TNFRSF10D: variants seen among roughly 807,000 people sequenced by gnomAD.
The protein encoded by TNFRSF10D is TNF receptor superfamily member 10d.
In TNFRSF10D, 28 loss-of-function variants were observed where a neutral mutation model predicts 42.1. That is an observed-to-expected ratio of 0.66 (90% CI 0.49 to 0.91). TNFRSF10D has a LOEUF of 0.91. Ranked by LOEUF, TNFRSF10D falls within the 40% of genes least tolerant of loss-of-function variation. The pLI, the probability that TNFRSF10D is intolerant of heterozygous loss-of-function variation, is 0.00. For missense variants in TNFRSF10D, 503 were observed against 486.1 expected (o/e 1.03, Z -0.33); for synonymous variants, 186 against 189.4 (o/e 0.98, Z 0.15).
In TNFRSF10D at chr8:23,154,885, T is replaced by A; in HGVS notation, c.245A>T (p.Glu82Val). ...AAATAAGAGTGCACCTGCTGGACAC[T>A]CCTCCTCCTTGAGGCTGCGCCTCTG... is the stretch of plus-strand genomic sequence containing the variant. ...QQQRRSLKEE[E>V]CPAGSHRSEY... The change falls in exon 2 of 9, where the codon GAG becomes GTG. Residue 82 changes from glutamate (E) to valine (V), a missense_variant. Glu to Val is a moderately radical substitution (Grantham distance 121). Coordinates refer to ENST00000312584, the MANE Select transcript of TNFRSF10D (RefSeq NM_003840.5). The A allele has an allele frequency of 6.2e-7, 1 of 1,613,592 alleles. No homozygotes were observed. The highest frequency in any genetic ancestry group is 8.5e-7 in the Non-Finnish European group (1 of 1,179,740).
Position 23,141,378 on chromosome 8 carries a change from GC to G in TNFRSF10D, c.954+3071del, listed in dbSNP as rs144151852. 9.9e-3 allele frequency among the ~76,000 whole-genome samples: 1,507 copies of G among 152,136 alleles called. 33 individuals carry two copies. Among genetic ancestry groups the G allele is most frequent in the African/African-American group, 0.034 (1,408 of 41,482 alleles). On this transcript the variant is annotated intron_variant, in intron 7 of 8. Transcript: ENST00000312584. ...AAATTAGCTGGGCATGGTGGCACGT[GC>G]CTGCAATCCCAGCAACTAGGGGGGC...
intron 7 of TNFRSF10D, among the ~76,000 whole-genome samples, chr8:23,143,008 ACT>A (rs1254626001): frequency 6.6e-6 from 1 of 151,550 alleles, no homozygotes; most frequent in African/African-American, 2.4e-5. Flanking sequence ...ATGGAGTCTG[ACT>A]CTGTAGCCCA....
Position 23,148,373 on chromosome 8 carries a change from G to A in TNFRSF10D, c.370+65C>T, listed in dbSNP as rs1199477492. 2.0e-5 allele frequency: 26 copies of A among 1,299,852 alleles called. No homozygotes were observed. The East Asian group carries it at 2.7e-4, about 13-fold the overall frequency. 80.5% of individuals were successfully genotyped at this position (1,299,852 alleles called of 1,614,324 possible). ...AGAACTTGGTTCCCCGACTCACATC[G>A]GCTACAGCTCCCACCTCATCACTAT... On this transcript the variant is annotated intron_variant, in intron 3 of 8. Coordinates refer to ENST00000312584, the MANE Select transcript of TNFRSF10D (RefSeq NM_003840.5).
rs112094626 is a variant in TNFRSF10D, at chr8:23,149,315, G to A, written c.257-764C>T. 4.4e-3 allele frequency among the ~76,000 whole-genome samples: 664 copies of A among 151,294 alleles called. 4 individuals are homozygous for A. Among genetic ancestry groups the A allele is most frequent in the Non-Finnish European group, 7.5e-3 (511 of 67,874 alleles). Reference sequence around the variant, plus strand: ...GGCAATGGCGCGACCTTGGCTCACTGCAACCTCCACCTCCCAGGTTCAAGC... The same window carrying A: ...GGCAATGGCGCGACCTTGGCTCACTACAACCTCCACCTCCCAGGTTCAAGC... On this transcript the variant is annotated intron_variant, in intron 2 of 8. Coordinates refer to ENST00000312584, the MANE Select transcript of TNFRSF10D (RefSeq NM_003840.5).
At chr8:23,160,610 A>G (rs566845134) in intron 1 of TNFRSF10D, among the ~76,000 whole-genome samples, 2 of 152,176 alleles carry the variant, frequency 1.3e-5, no homozygotes, top group African/African-American at 2.4e-5. Context: ...GAAGATGTAC[A>G]CTCTCTGGCT....
intron 4 of TNFRSF10D, 146 bp from the exon 5 acceptor site, chr8:23,146,067 T>C (rs1800116236): frequency 2.7e-6 from 3 of 1,106,590 alleles, no homozygotes; most frequent in Middle Eastern, 3.0e-4. Flanking sequence ...CCCCCTGTGC[T>C]CCCTTCTTGA....
At chr8:23,148,259 G>T (rs1275533410) in intron 3 of TNFRSF10D, among the ~76,000 whole-genome samples, 179 bp downstream of exon 3, 3 of 149,008 alleles carry the variant, frequency 2.0e-5, no homozygotes, top group Non-Finnish European at 4.5e-5. Flanking sequence ...ATAAATAAAA[G>T]AAAAGAAAAA....
At chr8:23,147,481 G>A (rs962115624) in intron 3 of TNFRSF10D, among the ~76,000 whole-genome samples, 41 of 152,194 alleles carry the variant, frequency 2.7e-4, no homozygotes, top group African/African-American at 9.2e-4. Flanking sequence ...CACAGAGCCC[G>A]GGAGGAGAGA....
chr8:23,146,962 C>T lies in TNFRSF10D; in HGVS notation c.481G>A (p.Gly161Arg), dbSNP rs776697053. The T allele has an allele frequency of 1.2e-6, 2 of 1,613,864 alleles. No homozygotes were observed. Among genetic ancestry groups the T allele is most frequent in the East Asian group, 2.2e-5 (1 of 44,882 alleles). Reference protein sequence around the residue: ...SPEMCRTCRTGCPRGMVKVSN... With the variant: ...SPEMCRTCRTRCPRGMVKVSN... The stretch of plus-strand genomic sequence containing the variant: ...GGGAGCCCCTGGCTGCTGTCTTACC[C>T]TGTTCTACACGTCCGGCACATCTCA... Residue 161 changes from glycine to arginine, a missense_variant and splice_region_variant, in exon 4 of 9, where the codon GGG becomes AGG. Coordinates refer to ENST00000312584, the MANE Select transcript of TNFRSF10D (RefSeq NM_003840.5).
intron 4 of TNFRSF10D, among the ~76,000 whole-genome samples, chr8:23,146,256 C>A (rs973184315): frequency 1.3e-5 from 2 of 152,238 alleles, no homozygotes; most frequent in African/African-American, 4.8e-5. Context: ...CCTGTGGCCA[C>A]AAGCTGAGCC....
chr8:23,145,807 C>T lies in TNFRSF10D; in HGVS notation c.597G>A (p.Val199=), dbSNP rs267601855. 2 of 1,614,112 alleles carry T rather than the reference C, an allele frequency of 1.2e-6. No individual in the cohort carries two copies. Among genetic ancestry groups the T allele is most frequent in the Middle Eastern group, 1.6e-4 (1 of 6,062 alleles). ...AGGCAAGCATCCCCAGGATGGTGGT[C>T]ACTGTCTCCTCCGCTGCTGGGGTTT... ...TGKTPAAEET[V]TTILGMLASP... Residue 199 remains valine (V), a synonymous_variant, in exon 5 of 9, where the codon GTG becomes GTA. Coordinates refer to ENST00000312584, the MANE Select transcript of TNFRSF10D (RefSeq NM_003840.5).
At chr8:23,159,099 G>A (rs1413766772) in intron 1 of TNFRSF10D, among the ~76,000 whole-genome samples, 3 of 151,932 alleles carry the variant, frequency 2.0e-5, no homozygotes, top group African/African-American at 7.3e-5. Flanking sequence ...TTCTGTGTGT[G>A]TGTGTGTGTC....
At position 23,144,998 on chromosome 8, in the gene TNFRSF10D, G is replaced by A. The variant is rs942611133; in HGVS notation, c.768+60C>T. ...GGATTGTGCCCACCCAGGCTCGGCA[G>A]TGGATGGGAAGCAGTTCCTGAACCC... On this transcript the variant is annotated intron_variant, in intron 6 of 8. Transcript: ENST00000312584. 1.6e-5 allele frequency: 26 copies of A among 1,610,946 alleles called. No homozygotes were observed. In the African/African-American group the frequency reaches 3.3e-4, roughly 21 times the overall value.
intron 7 of TNFRSF10D, among the ~76,000 whole-genome samples, chr8:23,140,125 T>TA (rs1198848587): frequency 1.3e-5 from 2 of 152,000 alleles, no homozygotes; most frequent in Non-Finnish European, 2.9e-5. Context: ...CCACCTCTAC[T>TA]AAAAATACAA....
intron 2 of TNFRSF10D, among the ~76,000 whole-genome samples, chr8:23,151,128 C>A (rs182198925): frequency 4.0e-3 from 610 of 151,490 alleles, no homozygotes; most frequent in African/African-American, 0.013. Context: ...AATTCCCAAA[C>A]ATCAAAGGCA....
chr8:23,154,211 A>G (rs115840202), intron 2 of TNFRSF10D, among the ~76,000 whole-genome samples: 1 of 152,178 alleles, frequency 6.6e-6, no homozygotes, highest in South Asian at 2.1e-4. Flanking sequence ...CCAGCGCTGT[A>G]TTTGCACGGT....
intron 1 of TNFRSF10D, 124 bp downstream of exon 1, chr8:23,163,662 T>G (rs1800408011): frequency 2.1e-6 from 3 of 1,448,982 alleles, no homozygotes; most frequent in Middle Eastern, 1.7e-4. Context: ...GGGTTCGTCC[T>G]GCCCAGACAT....
intron 1 of TNFRSF10D, among the ~76,000 whole-genome samples, chr8:23,160,852 C>T (rs543187102): frequency 1.3e-5 from 2 of 152,372 alleles, no homozygotes; most frequent in African/African-American, 4.8e-5. Flanking sequence ...CCGGGCCGGA[C>T]ACCCACCAGA....
intron 2 of TNFRSF10D, among the ~76,000 whole-genome samples, chr8:23,154,213 T>G (rs1800244907): frequency 6.6e-6 from 1 of 152,206 alleles, no homozygotes; most frequent in African/African-American, 2.4e-5. Flanking sequence ...AGCGCTGTAT[T>G]TGCACGGTGG....
Sources: allele counts gnomAD v4.1 joint callset (sites outside exome capture counted in the v4.1 genomes callset), GRCh38; gene constraint gnomAD v4.1.1; transcripts MANE v1.5; gene names NCBI Gene and HGNC (gene_info 2026-07-23, HGNC 2026-07-21).